Variants in LRRC7 observed in about 807,000 individuals in gnomAD.
The protein encoded by LRRC7 is leucine rich repeat containing 7.
In LRRC7, 23 loss-of-function variants were observed where a neutral mutation model predicts 175.7. The observed-to-expected ratio is 0.13, with a 90% CI of 0.09 to 0.19. The LOEUF (loss-of-function observed/expected upper bound fraction) is 0.19, where lower values mean the gene tolerates loss of function less well. Ranked by LOEUF, LRRC7 falls within the 10% of genes least tolerant of loss-of-function variation. The probability of loss-of-function intolerance (pLI) is 1.00; values close to 1 mark genes in which losing one functional copy is unlikely to be tolerated. For missense variants in LRRC7, 1,354 were observed against 1,904.7 expected (o/e 0.71, Z 5.38); for synonymous variants, 685 against 680.9 (o/e 1.01, Z -0.09).
intron 23 of LRRC7, among the ~76,000 whole-genome samples, chr1:70,067,752 T>A (rs1021675970): frequency 1.3e-5 from 2 of 152,134 alleles, no homozygotes; most frequent in African/African-American, 4.8e-5. Flanking sequence ...AAGTATAGTC[T>A]GTCTCTCCAC....
chr1:69,961,818 A>G (rs1461333654), intron 8 of LRRC7, among the ~76,000 whole-genome samples: 3 of 152,142 alleles, frequency 2.0e-5, no homozygotes, highest in Non-Finnish European at 2.9e-5. Flanking sequence ...TCCTTATACC[A>G]TATACAAAAA....
intron 7 of LRRC7, among the ~76,000 whole-genome samples, chr1:69,927,595 T>C (rs1298772799): frequency 7.9e-5 from 12 of 152,220 alleles, no homozygotes; most frequent in African/African-American, 2.2e-4. Flanking sequence ...TCCAGTTGAT[T>C]GCATCGGCTC....
At chr1:70,089,840 T>A in intron 25 of LRRC7, 21 bp downstream of exon 25, 1 of 1,486,230 alleles carries the variant, frequency 6.7e-7, no homozygotes. Context: ...AATATCTTGT[T>A]GACAATATTA....
chr1:69,807,363 G>C (rs906505095), intron 4 of LRRC7, among the ~76,000 whole-genome samples: 3 of 151,870 alleles, frequency 2.0e-5, no homozygotes, highest in Non-Finnish European at 4.4e-5. Context: ...TATTTTGCTC[G>C]TTAGTTGATG....
intron 26 of LRRC7, among the ~76,000 whole-genome samples, chr1:70,110,591 A>G (rs1665461941): frequency 6.6e-6 from 1 of 152,164 alleles, no homozygotes; most frequent in African/African-American, 2.4e-5. Context: ...AGCCAAGAAT[A>G]CTGCAGAAAA....
intron 8 of LRRC7, among the ~76,000 whole-genome samples, chr1:69,932,662 A>G (rs897676872): frequency 6.6e-6 from 1 of 152,204 alleles, no homozygotes; most frequent in Admixed American, 6.5e-5. Context: ...AATATGATTT[A>G]AGAAGTTAGA....
chr1:70,110,905 T>C (rs1665484873), intron 26 of LRRC7, among the ~76,000 whole-genome samples: 2 of 152,216 alleles, frequency 1.3e-5, no homozygotes, highest in Non-Finnish European at 1.5e-5. Flanking sequence ...ATAATACTAT[T>C]GTCTCTTAGT....
At chr1:69,749,595 A>T (rs1348808295) in intron 2 of LRRC7, among the ~76,000 whole-genome samples, 1 of 152,194 alleles carries the variant, frequency 6.6e-6, no homozygotes, top group East Asian at 1.9e-4. Context: ...AGCTACTGTG[A>T]TGTTTTAAGA....
At chr1:69,905,027 T>C (rs548715152) in intron 7 of LRRC7, among the ~76,000 whole-genome samples, 4 of 152,306 alleles carry the variant, frequency 2.6e-5, no homozygotes, top group East Asian at 3.9e-4. Flanking sequence ...TACACAGTTA[T>C]GAAAAAGAAC....
chr1:69,911,144 G>A (rs905710960), intron 7 of LRRC7, among the ~76,000 whole-genome samples: 78 of 152,280 alleles, frequency 5.1e-4, no homozygotes, highest in Admixed American at 1.0e-3. Context: ...GACCCCTTGC[G>A]CTTCCCAAGT....
chr1:69,827,179 C>A (rs531126486), intron 5 of LRRC7, among the ~76,000 whole-genome samples: 1 of 152,254 alleles, frequency 6.6e-6, no homozygotes, highest in South Asian at 2.1e-4. Context: ...TTACTAATTT[C>A]TCCCACCAGG....
chr1:69,942,314 G>A (rs1471600719), intron 8 of LRRC7, among the ~76,000 whole-genome samples: 1 of 152,024 alleles, frequency 6.6e-6, no homozygotes, highest in African/African-American at 2.4e-5. Context: ...ATCACCATAG[G>A]ACGTGATAGA....
chr1:69,690,988 CT>C (rs751612316), intron 2 of LRRC7, among the ~76,000 whole-genome samples: 1 of 152,114 alleles, frequency 6.6e-6, no homozygotes, highest in Non-Finnish European at 1.5e-5. Flanking sequence ...AGCAGTTTTA[CT>C]AGTATGCAGG....
At chr1:69,804,276 A>T (rs1367297124) in intron 4 of LRRC7, among the ~76,000 whole-genome samples, 1 of 151,398 alleles carries the variant, frequency 6.6e-6, no homozygotes, top group Non-Finnish European at 1.5e-5. Context: ...TTCTTTTATT[A>T]TTAGGTATAG....
chr1:69,981,573 T>C (rs1040185559), intron 9 of LRRC7, among the ~76,000 whole-genome samples: 1 of 152,186 alleles, frequency 6.6e-6, no homozygotes, highest in Admixed American at 6.5e-5. Flanking sequence ...GTTACAAAGA[T>C]AATACATTCA....
intron 1 of LRRC7, among the ~76,000 whole-genome samples, chr1:69,594,979 C>T (rs1184720213): frequency 6.6e-6 from 1 of 151,816 alleles, no homozygotes; most frequent in Non-Finnish European, 1.5e-5. Context: ...TAGAAGATGA[C>T]ATTACTATAC....
At chr1:70,090,557 A>G (rs1039064758) in intron 25 of LRRC7, among the ~76,000 whole-genome samples, 1 of 152,108 alleles carries the variant, frequency 6.6e-6, no homozygotes, top group African/African-American at 2.4e-5. Context: ...CTGCCCTGCT[A>G]CCATCAGTGT....
intron 4 of LRRC7, among the ~76,000 whole-genome samples, chr1:69,819,589 G>C (rs1360935546): frequency 3.3e-4 from 49 of 150,362 alleles, no homozygotes; most frequent in African/African-American, 1.2e-3. Context: ...GTGTGTGTGT[G>C]TGTGTGTGTG....
chr1:69,614,604 G>T (rs1304294628), intron 1 of LRRC7, among the ~76,000 whole-genome samples: 1 of 151,806 alleles, frequency 6.6e-6, no homozygotes, highest in African/African-American at 2.4e-5. Flanking sequence ...GCAAGAACGG[G>T]AGCAATTTAA....
Sources: allele counts gnomAD v4.1 joint callset (sites outside exome capture counted in the v4.1 genomes callset), GRCh38; gene constraint gnomAD v4.1.1; transcripts MANE v1.5; gene names NCBI Gene and HGNC (gene_info 2026-07-23, HGNC 2026-07-21).